Variants in GCN1 observed in about 807,000 individuals in gnomAD.
GCN1 encodes GCN1 activator of EIF2AK4, also known as stalled ribosome sensor GCN1.
In GCN1, 90 loss-of-function variants were observed where a neutral mutation model predicts 288.4. That is an observed-to-expected ratio of 0.31 (90% CI 0.26 to 0.37). The LOEUF is 0.37. Ranked by LOEUF, GCN1 falls within the 10% of genes least tolerant of loss-of-function variation. The pLI is 1.00. For synonymous variants in GCN1, 1,386 were observed against 1,420.2 expected, an observed-to-expected ratio of 0.98 and a Z score of 0.54; for missense variants, 2,586 against 3,419.9, an observed-to-expected ratio of 0.76 and a Z score of 6.08.
intron 5 of GCN1, among the ~76,000 whole-genome samples, chr12:120,182,110 C>T (rs1878683888): frequency 6.6e-6 from 1 of 151,060 alleles, no homozygotes; most frequent in African/African-American, 2.4e-5. Flanking sequence ...GATTGCGCCA[C>T]TGCATTCCAA....
At position 120,142,728 on chromosome 12, in the gene GCN1, G is replaced by T; in HGVS notation, c.5614-6C>A. The T allele has an allele frequency of 6.2e-7, 1 of 1,613,748 alleles. No individual in the cohort carries two copies. Among genetic ancestry groups the T allele is most frequent in the Non-Finnish European group, 8.5e-7 (1 of 1,179,642 alleles). ...CCCAGGGCAGTGATGATCGCCTGCA[G>T]CCAGTAGAAGGGGACAGAGAGTAGT... is the stretch of plus-strand genomic sequence containing the variant. On this transcript the variant is annotated splice_polypyrimidine_tract_variant and splice_region_variant and intron_variant, in intron 43 of 57. Transcript: ENST00000300648. The surrounding 1 kb of genome is among the most constrained non-coding windows in gnomAD (Gnocchi z 4.9).
At position 120,184,158 on chromosome 12, in the gene GCN1, G is replaced by A; in HGVS notation, c.271C>T (p.His91Tyr). 6.2e-7 allele frequency: 1 copy of A among 1,613,870 alleles called. No homozygotes were observed. The highest frequency in any genetic ancestry group is 1.1e-5 in the South Asian group (1 of 91,072). Reference sequence around the variant, plus strand: ...CCTATACCAGAAGACTGCAGAGAGTGTAGAAGGTTCTTAGCAGTGGCTTCT... The same window carrying A: ...CCTATACCAGAAGACTGCAGAGAGTATAGAAGGTTCTTAGCAGTGGCTTCT... ...QPEATAKNLL[H>Y]SLQSSGIGSK... The change falls in exon 4 of 58, where the codon CAC (histidine) becomes TAC (tyrosine). Residue 91 changes from histidine to tyrosine, a missense_variant. By Grantham distance (83) the His-to-Tyr change is moderately conservative (BLOSUM62 2). Around this residue, in one of 8 missense-constraint regions of GCN1, gnomAD observed 913 missense variants for 1,107.0 expected, o/e 0.82. Transcript: ENST00000300648.
In GCN1 at chr12:120,127,921, G is replaced by A; in HGVS notation, c.7944C>T (p.Asn2648=). 6.2e-7 allele frequency: 1 copy of A among 1,614,104 alleles called. No homozygotes were observed. Among genetic ancestry groups the A allele is most frequent in the African/African-American group, 1.3e-5 (1 of 75,040 alleles). ...VASLEVLNEV[N]RRSLKKLASQ... ...TGGCCAGCTTCTTCAGGGACCTTCGGTTAACCTCGTTCAGCACCTCCAAAC... is the reference window on the plus strand; with the variant it reads ...TGGCCAGCTTCTTCAGGGACCTTCGATTAACCTCGTTCAGCACCTCCAAAC... The change falls in exon 58 of 58, where the codon AAC becomes AAT. Residue 2648 remains asparagine, a synonymous_variant. Transcript: ENST00000300648.
chr12:120,147,692 T>C (rs1417314062), intron 37 of GCN1, among the ~76,000 whole-genome samples: 1 of 152,254 alleles, frequency 6.6e-6, no homozygotes, highest in African/African-American at 2.4e-5. Flanking sequence ...CTTTCCAGAC[T>C]GAAGTACTGA....
In GCN1 at chr12:120,155,047, C is replaced by G. The variant is rs1877695526; in HGVS notation, c.3631-7G>C. On this transcript the variant is annotated splice_region_variant and splice_polypyrimidine_tract_variant and intron_variant, in intron 30 of 57. Coordinates refer to ENST00000300648, the MANE Select transcript of GCN1 (RefSeq NM_006836.2). The surrounding 1 kb of genome is among the most constrained non-coding windows in gnomAD (Gnocchi z 4.9). Reference sequence around the variant, plus strand: ...CCAGCACTGGGGGCGGCCGCTGCAACAGACAAGTTGGTAAATGCTTTGCAA... The same window carrying G: ...CCAGCACTGGGGGCGGCCGCTGCAAGAGACAAGTTGGTAAATGCTTTGCAA... The G allele has an allele frequency of 6.2e-7, 1 of 1,612,668 alleles. No homozygotes were observed. The highest frequency in any genetic ancestry group is 8.5e-7 in the Non-Finnish European group (1 of 1,178,630).
chr12:120,180,391 C>T (rs1212639466), intron 5 of GCN1, among the ~76,000 whole-genome samples: 6 of 151,522 alleles, frequency 4.0e-5, no homozygotes, highest in Admixed American at 2.6e-4. Flanking sequence ...CTGAGGCAGG[C>T]GGATCACAAG....
chr12:120,185,216 T>C (rs949168749), intron 2 of GCN1, among the ~76,000 whole-genome samples: 4 of 152,208 alleles, frequency 2.6e-5, no homozygotes, highest in African/African-American at 7.2e-5. Context: ...GTTTAACATG[T>C]GATGATTCAG....
At chr12:120,162,675 G>A (rs1877967984) in intron 20 of GCN1, among the ~76,000 whole-genome samples, 172 bp downstream of exon 20, 1 of 152,256 alleles carries the variant, frequency 6.6e-6, no homozygotes, top group Admixed American at 6.5e-5. Flanking sequence ...AAATGAGGCA[G>A]TAAGTTCCCT....
intron 16 of GCN1, among the ~76,000 whole-genome samples, chr12:120,167,044 G>A (rs1192166241): frequency 1.3e-5 from 2 of 151,292 alleles, no homozygotes; most frequent in African/African-American, 4.9e-5. Flanking sequence ...AATTACTATG[G>A]AGTTATAAAA....
rs1056852415 is a variant in GCN1 at position 120,155,778 on chromosome 12, G to T, written c.3313-59C>A. On this transcript the variant is annotated intron_variant, in intron 28 of 57. Transcript: ENST00000300648. The surrounding 1 kb of genome is among the most constrained non-coding windows in gnomAD (Gnocchi z 4.9). Reference sequence around the variant, plus strand: ...CATCTTTCAGAAGAGCCTCTGACCTGCCTCCTCACCTCTCTCTAGGTTGTA... The same window carrying T: ...CATCTTTCAGAAGAGCCTCTGACCTTCCTCCTCACCTCTCTCTAGGTTGTA... 1.1e-5 allele frequency: 17 copies of T among 1,571,130 alleles called. No individual in the cohort carries two copies. The highest frequency in any genetic ancestry group is 1.4e-5 in the Non-Finnish European group (16 of 1,144,306).
In GCN1 at chr12:120,142,980, G is replaced by A. The variant is rs745530785; in HGVS notation, c.5496-39C>T. On this transcript the variant is annotated intron_variant, in intron 42 of 57. Coordinates refer to ENST00000300648, the MANE Select transcript of GCN1 (RefSeq NM_006836.2). The surrounding 1 kb of genome is among the most constrained non-coding windows in gnomAD (Gnocchi z 4.9). ...CAACAACACAGTCACACAGCTGCAA[G>A]GAGTGGGCTCGGCACAACTGAGCAC... 28 of 1,273,814 alleles carry A rather than the reference G, an allele frequency of 2.2e-5. No individual in the cohort carries two copies. In the East Asian group the frequency reaches 6.2e-4, roughly 28 times the overall value. 78.9% of individuals were successfully genotyped at this position (1,273,814 alleles called of 1,614,324 possible). A position where few individuals can be genotyped will look rare whatever the true frequency, so the allele number is the denominator to read the frequency against.
Position 120,127,885 on chromosome 12 carries a change from G to C in GCN1, c.7980C>G (p.Asp2660Glu). 6.2e-7 allele frequency: 1 copy of C among 1,614,082 alleles called. No homozygotes were observed. The highest frequency in any genetic ancestry group is 1.3e-5 in the African/African-American group (1 of 75,064). Residue 2660 changes from aspartate (D) to glutamate (E), a missense_variant, in exon 58 of 58, where the codon GAC (aspartate) becomes GAG (glutamate). Coordinates refer to ENST00000300648, the MANE Select transcript of GCN1 (RefSeq NM_006836.2). ...RSLKKLASQADSTEQVDDTIL... is the reference protein window; with the variant it reads ...RSLKKLASQAESTEQVDDTIL... Reference sequence around the variant, plus strand: ...TGGTGTCGTCCACCTGCTCCGTGGAGTCGGCCTGGCTGGCCAGCTTCTTCA... The same window carrying C: ...TGGTGTCGTCCACCTGCTCCGTGGACTCGGCCTGGCTGGCCAGCTTCTTCA...
At position 120,145,314 on chromosome 12, in the gene GCN1, A is replaced by C; in HGVS notation, c.4964T>G (p.Leu1655Arg). 1 of 1,596,330 alleles carries C rather than the reference A, an allele frequency of 6.3e-7. No individual in the cohort carries two copies. Among genetic ancestry groups the C allele is most frequent in the Non-Finnish European group, 8.5e-7 (1 of 1,171,284 alleles). Reference sequence around the variant, plus strand: ...TTTCAGGCCAGGCGTCACGCTGGGCAGGTACGGAGCCAAGTCCTGCAACAA... The same window carrying C: ...TTTCAGGCCAGGCGTCACGCTGGGCCGGTACGGAGCCAAGTCCTGCAACAA... ...LTDQKDLAPY[L>R]PSVTPGLKAS... is the part of the protein sequence containing the mutation. Residue 1655 changes from leucine to arginine, a missense_variant, in exon 39 of 58, where the codon CTG becomes CGG. This residue lies in a region of GCN1 where 371 missense variants were observed against 572.6 expected (regional missense o/e 0.65). Coordinates refer to ENST00000300648, the MANE Select transcript of GCN1 (RefSeq NM_006836.2).
At chr12:120,130,839 A>G (rs1594256657) in intron 55 of GCN1, 86 bp from the exon 56 acceptor site, 1 of 751,236 alleles carries the variant, frequency 1.3e-6, no homozygotes, top group Non-Finnish European at 2.3e-6. Flanking sequence ...AATCTCCAGG[A>G]CCCTCCACTA....
Position 120,144,548 on chromosome 12 carries a change from C to T in GCN1, c.5352+91G>A, listed in dbSNP as rs774416606. On this transcript the variant is annotated intron_variant, in intron 41 of 57. Coordinates refer to ENST00000300648, the MANE Select transcript of GCN1 (RefSeq NM_006836.2). The surrounding 1 kb of genome is among the most constrained non-coding windows in gnomAD (Gnocchi z 4.7). Reference sequence around the variant, plus strand: ...AAGGCTGAGGGCTCTGCCAACCAACCCCAGCCAGCAGGGATCTCTAGCTCT... The same window carrying T: ...AAGGCTGAGGGCTCTGCCAACCAACTCCAGCCAGCAGGGATCTCTAGCTCT... 1.5e-5 allele frequency: 23 copies of T among 1,558,498 alleles called. No individual in the cohort carries two copies. The Middle Eastern group carries it at 5.2e-4, about 35-fold the overall frequency.
intron 36 of GCN1, among the ~76,000 whole-genome samples, chr12:120,148,828 A>G (rs1220862955): frequency 1.3e-5 from 2 of 151,900 alleles, no homozygotes; most frequent in Non-Finnish European, 2.9e-5. Flanking sequence ...CATTTTATTT[A>G]TTTATTTTTG....
intron 36 of GCN1, among the ~76,000 whole-genome samples, chr12:120,148,772 A>T (rs901343970): frequency 7.2e-5 from 11 of 152,022 alleles, no homozygotes; most frequent in African/African-American, 2.7e-4. Context: ...TCCTCCCCCA[A>T]CTAGAGCAGC....
chr12:120,156,614 A>G lies in GCN1; in HGVS notation c.3169-10T>C, dbSNP rs762203057. ...TGTCTGAAGCCAGAACCTAAGGAGA[A>G]CATCAATCCACTGGTTCAGTCAGCA... On this transcript the variant is annotated splice_polypyrimidine_tract_variant and intron_variant, in intron 27 of 57. Coordinates refer to ENST00000300648, the MANE Select transcript of GCN1 (RefSeq NM_006836.2). The surrounding 1 kb of genome is among the most constrained non-coding windows in gnomAD (Gnocchi z 5.8). 6.2e-7 allele frequency: 1 copy of G among 1,613,536 alleles called. No individual in the cohort carries two copies. Among genetic ancestry groups the G allele is most frequent in the Non-Finnish European group, 8.5e-7 (1 of 1,179,642 alleles).
intron 5 of GCN1, among the ~76,000 whole-genome samples, chr12:120,182,461 G>A (rs1259127098): frequency 2.6e-5 from 4 of 152,146 alleles, no homozygotes; most frequent in Non-Finnish European, 4.4e-5. Flanking sequence ...TCCTAAGGCC[G>A]GTCATCACTG....
Sources: allele counts gnomAD v4.1 joint callset (sites outside exome capture counted in the v4.1 genomes callset), GRCh38; gene constraint gnomAD v4.1.1; regional missense constraint gnomAD v4.1.1; non-coding constraint Gnocchi (gnomAD v3.1); transcripts MANE v1.5; gene names NCBI Gene and HGNC (gene_info 2026-07-23, HGNC 2026-07-21).